The following ANO3 variants were observed in gnomAD, a reference collection of about 807,000 sequenced individuals.
The protein encoded by ANO3 is anoctamin-3.
In ANO3, 99 loss-of-function variants were observed where a neutral mutation model predicts 144.8. The ratio of observed to expected loss-of-function variants is 0.68; its 90% CI spans 0.58 to 0.81. ANO3 has a LOEUF of 0.81. Ranked by LOEUF, ANO3 falls within the 30% of genes least tolerant of loss-of-function variation. The probability of loss-of-function intolerance (pLI) is 0.00; values close to 1 mark genes in which losing one functional copy is unlikely to be tolerated. For missense variants in ANO3, 905 were observed against 1,202.2 expected (o/e 0.75, Z 3.66); for synonymous variants, 414 against 392.6 (o/e 1.05, Z -0.64).
chr11:26,639,043 G>T, intron 20 of ANO3, 101 bp from the exon 21 acceptor site: 2 of 762,080 alleles, frequency 2.6e-6, no homozygotes, highest in Non-Finnish European at 4.5e-6. Flanking sequence ...ATGAGATGGT[G>T]TGACCCAGCT....
At chr11:26,221,407 A>G (rs1852141142) in intron 1 of ANO3, among the ~76,000 whole-genome samples, 1 of 152,196 alleles carries the variant, frequency 6.6e-6, no homozygotes. Flanking sequence ...CCAGGGTTAT[A>G]AATCCAACAG....
intron 14 of ANO3, chr11:26,563,397 G>C (rs61877025): frequency 0.11 from 7,793 of 69,762 alleles, 57 homozygotes; most frequent in Non-Finnish European, 0.14. Flanking sequence ...TTCTCTCTCT[G>C]TGTGTGTGTG....
intron 1 of ANO3, among the ~76,000 whole-genome samples, chr11:26,339,634 C>A (rs1855299836): frequency 1.3e-5 from 2 of 152,122 alleles, no homozygotes; most frequent in Admixed American, 1.3e-4. Context: ...TATCAGAGTT[C>A]AGGGCAGATT....
chr11:26,297,912 C>T (rs1468495784), intron 1 of ANO3, among the ~76,000 whole-genome samples: 1 of 152,178 alleles, frequency 6.6e-6, no homozygotes, highest in African/African-American at 2.4e-5. Context: ...ATGTGAGAAG[C>T]CAAGACCACC....
intron 4 of ANO3, among the ~76,000 whole-genome samples, chr11:26,476,915 GT>G (rs2134080613): frequency 7.0e-6 from 1 of 143,580 alleles, no homozygotes; most frequent in South Asian, 2.3e-4. Context: ...GTGTGTGTGT[GT>G]GTGTGTGTGT....
At chr11:26,550,427 C>G (rs1205988492) in intron 12 of ANO3, among the ~76,000 whole-genome samples, 1 of 151,678 alleles carries the variant, frequency 6.6e-6, no homozygotes, top group Non-Finnish European at 1.5e-5. Flanking sequence ...ACCCTCCATT[C>G]CCTCCTTCCC....
intron 1 of ANO3, among the ~76,000 whole-genome samples, chr11:26,293,838 A>T (rs1337398880): frequency 6.6e-6 from 1 of 152,092 alleles, no homozygotes; most frequent in African/African-American, 2.4e-5. Context: ...TAATAAGTTT[A>T]TCAGATTGGT....
chr11:26,251,516 CT>C (rs1852926211), intron 1 of ANO3, among the ~76,000 whole-genome samples: 3 of 152,180 alleles, frequency 2.0e-5, no homozygotes, highest in Non-Finnish European at 2.9e-5. Context: ...TCACATTTCT[CT>C]TTAATGAGAT....
At chr11:26,230,814 AAAAAAAAAAAAAAAAAAAAAAAAAG>A (rs1852378295) in intron 1 of ANO3, among the ~76,000 whole-genome samples, 1 of 65,322 alleles carries the variant, frequency 1.5e-5, no homozygotes, top group Non-Finnish European at 3.8e-5. Context: ...AAAAAAAAAA[AAAAAAAAAAAAAAAAAAAAAAAAAG>A]TTTATCTTTT....
At chr11:26,622,842 A>G (rs2133003866) in intron 17 of ANO3, among the ~76,000 whole-genome samples, 1 of 152,350 alleles carries the variant, frequency 6.6e-6, no homozygotes, top group Non-Finnish European at 1.5e-5. Flanking sequence ...ACTGTTTGGC[A>G]CAAGCCAAAT....
intron 3 of ANO3, among the ~76,000 whole-genome samples, chr11:26,453,711 A>G (rs1435915134): frequency 6.6e-6 from 1 of 152,134 alleles, no homozygotes; most frequent in Non-Finnish European, 1.5e-5. Flanking sequence ...AATTGAACTC[A>G]CCTCTGCACC....
At chr11:26,659,482 C>A (rs1786902880) in intron 26 of ANO3, among the ~76,000 whole-genome samples, 2 of 151,798 alleles carry the variant, frequency 1.3e-5, no homozygotes, top group South Asian at 4.2e-4. Context: ...TAACTTGAGC[C>A]CAGGAGCTCG....
intron 9 of ANO3, among the ~76,000 whole-genome samples, chr11:26,536,597 G>A (rs186734256): frequency 3.3e-5 from 5 of 151,740 alleles, no homozygotes; most frequent in Non-Finnish European, 2.9e-5. Flanking sequence ...AGATGTCTTA[G>A]CGTTTATAAT....
At chr11:26,310,566 T>C (rs1239111022) in intron 1 of ANO3, among the ~76,000 whole-genome samples, 6 of 152,162 alleles carry the variant, frequency 3.9e-5, no homozygotes, top group Non-Finnish European at 8.8e-5. Context: ...ACTTTTTAAA[T>C]CATATGACTG....
intron 21 of ANO3, among the ~76,000 whole-genome samples, chr11:26,640,735 T>C (rs10835037): frequency 0.38 from 57,278 of 151,798 alleles, 11,646 homozygotes; most frequent in South Asian, 0.49. Flanking sequence ...ATGGCACATC[T>C]TACCCTTCCC....
intron 1 of ANO3, among the ~76,000 whole-genome samples, chr11:26,260,405 A>C (rs1402158007): frequency 6.6e-6 from 1 of 152,202 alleles, no homozygotes; most frequent in African/African-American, 2.4e-5. Flanking sequence ...AATTTTAAAG[A>C]AGTTTTGTGA....
At chr11:26,433,078 C>G (rs1452326017) in intron 1 of ANO3, among the ~76,000 whole-genome samples, 1 of 151,952 alleles carries the variant, frequency 6.6e-6, no homozygotes, top group African/African-American at 2.4e-5. Context: ...TGATTTTGAG[C>G]AGTGTTTGGT....
At chr11:26,547,964 C>A (rs980786762) in intron 12 of ANO3, among the ~76,000 whole-genome samples, 1 of 151,876 alleles carries the variant, frequency 6.6e-6, no homozygotes, top group African/African-American at 2.4e-5. Flanking sequence ...TTTGCTATAA[C>A]CTTCACTACC....
At chr11:26,648,066 T>C (rs896296757) in intron 24 of ANO3, among the ~76,000 whole-genome samples, 3 of 152,156 alleles carry the variant, frequency 2.0e-5, no homozygotes, top group Non-Finnish European at 4.4e-5. Context: ...TGTTTTTACT[T>C]GGAAATGCAT....
Sources: gnomAD v4.1 joint callset for allele counts (sites outside exome capture counted in the v4.1 genomes callset) on GRCh38, gnomAD v4.1.1 for gene constraint, MANE v1.5 for transcripts, NCBI Gene and HGNC (gene_info 2026-07-23, HGNC 2026-07-21) for gene names.